EGFLAM: variants seen among roughly 807,000 people sequenced by gnomAD.
The protein encoded by EGFLAM is EGF like, fibronectin type III and laminin G domains, also known as pikachurin.
Under a neutral mutation model 113.1 loss-of-function variants are expected in EGFLAM, and 79 were observed. The ratio of observed to expected loss-of-function variants is 0.70; its 90% CI spans 0.58 to 0.84. The LOEUF (loss-of-function observed/expected upper bound fraction) is 0.84. Ranked by LOEUF, EGFLAM falls within the 40% of genes least tolerant of loss-of-function variation. The pLI, the probability that EGFLAM is intolerant of heterozygous loss-of-function variation, is 0.00. For missense variants in EGFLAM, 1,265 were observed against 1,291.6 expected (o/e 0.98, Z 0.32); for synonymous variants, 504 against 487.6 (o/e 1.03, Z -0.44).
In EGFLAM at chr5:38,430,768, T is replaced by TC. The variant is rs1447742832; in HGVS notation, c.2055-407dup. On this transcript the variant is annotated intron_variant, in intron 14 of 21. Transcript: ENST00000322350. ...AGGAAATTTAGTGGTGTATTTCCAG[T>TC]CCAAGCCTGAAGGCCTGAGAACCAG... Among the ~76,000 whole-genome samples, 6 of 152,244 alleles carry TC rather than the reference T, an allele frequency of 3.9e-5. No homozygotes were observed. In the East Asian group the frequency reaches 1.2e-3, roughly 29 times the overall value.
At chr5:38,352,690 G>A (rs879649848) in intron 5 of EGFLAM, among the ~76,000 whole-genome samples, 12 of 150,456 alleles carry the variant, frequency 8.0e-5, no homozygotes, top group Non-Finnish European at 1.3e-4. Context: ...AGAATTCCAA[G>A]CCTGACGTAA....
At chr5:38,425,926 A>G (rs1002988704) in intron 13 of EGFLAM, among the ~76,000 whole-genome samples, 1 of 152,166 alleles carries the variant, frequency 6.6e-6, no homozygotes, top group African/African-American at 2.4e-5. Context: ...AACGTGGTGA[A>G]ACTCCGTTTC....
chr5:38,307,224 A>G (rs903688005), intron 1 of EGFLAM, among the ~76,000 whole-genome samples: 20 of 152,112 alleles, frequency 1.3e-4, no homozygotes, highest in Non-Finnish European at 1.2e-4. Context: ...TCCTATTTTT[A>G]TTTGTCTATC....
intron 1 of EGFLAM, among the ~76,000 whole-genome samples, chr5:38,314,663 A>G (rs1738545304): frequency 6.6e-6 from 1 of 152,218 alleles, no homozygotes; most frequent in African/African-American, 2.4e-5. Context: ...TCTGTATTCC[A>G]TATGAAGCCT....
rs370232521 is a variant in EGFLAM, at chr5:38,308,745, A to G, written c.98-28775A>G. 1.5e-3 allele frequency among the ~76,000 whole-genome samples: 229 copies of G among 152,380 alleles called. 5 individuals carry two copies. In the South Asian group the frequency reaches 0.045, roughly 30 times the overall value. On this transcript the variant is annotated intron_variant, in intron 1 of 21. Coordinates refer to ENST00000322350, the MANE Select transcript of EGFLAM (RefSeq NM_152403.4). Reference sequence around the variant, plus strand: ...AGAGAGCTCTTAAATGCTCCTTTCTATCAGGCCCATCTCACCAAGGTAGTC... The same window carrying G: ...AGAGAGCTCTTAAATGCTCCTTTCTGTCAGGCCCATCTCACCAAGGTAGTC...
At position 38,350,109 on chromosome 5, in the gene EGFLAM, T is replaced by A. The variant is rs78796663; in HGVS notation, c.292-392T>A. 3.2e-3 allele frequency among the ~76,000 whole-genome samples: 490 copies of A among 152,326 alleles called. 17 individuals carry two copies. In the East Asian group the frequency reaches 0.071, roughly 22 times the overall value. On this transcript the variant is annotated intron_variant, in intron 3 of 21. Transcript: ENST00000322350. The stretch of plus-strand genomic sequence containing the variant: ...ACAAATCAAGACCTCAGTGTGCAGC[T>A]GCAGCTATTCTCTGAGCATCTGAAA...
intron 10 of EGFLAM, among the ~76,000 whole-genome samples, chr5:38,409,586 C>T (rs1350569232): frequency 6.6e-6 from 1 of 152,206 alleles, no homozygotes; most frequent in Non-Finnish European, 1.5e-5. Flanking sequence ...CCTGGCACTC[C>T]TGTCAATCCT....
In EGFLAM at chr5:38,258,572, G is replaced by C. The variant is rs1246058059; in HGVS notation, c.-183G>C. 1 of 614,840 alleles carries C rather than the reference G, an allele frequency of 1.6e-6. No individual in the cohort carries two copies. The highest frequency in any genetic ancestry group is 2.8e-6 in the Non-Finnish European group (1 of 354,928). 38.1% of individuals were successfully genotyped at this position (614,840 alleles called of 1,614,324 possible). ...GCAGCCGGCTTCACTCGCGCACGCC[G>C]ACCTCCCGGCTGCAGTCCTACCTCT... On this transcript the variant is annotated 5_prime_UTR_variant, in exon 1 of 22. Coordinates refer to ENST00000322350, the MANE Select transcript of EGFLAM (RefSeq NM_152403.4).
intron 1 of EGFLAM, among the ~76,000 whole-genome samples, chr5:38,320,851 T>C (rs923496719): frequency 9.9e-5 from 15 of 152,044 alleles, no homozygotes; most frequent in African/African-American, 3.4e-4. Context: ...TAATATGAAT[T>C]CTTACCATCT....
At chr5:38,326,198 C>T (rs1032667789) in intron 1 of EGFLAM, among the ~76,000 whole-genome samples, 8 of 152,128 alleles carry the variant, frequency 5.3e-5, no homozygotes, top group Admixed American at 2.0e-4. Context: ...AGTGGTTGTG[C>T]CCCTCTGGCT....
In EGFLAM at chr5:38,352,063, A is replaced by G. The variant is rs1294991365; in HGVS notation, c.410-133A>G. 5 of 1,268,374 alleles carry G rather than the reference A, an allele frequency of 3.9e-6. No homozygotes were observed. The East Asian group carries it at 7.1e-5, about 18-fold the overall frequency. The allele number at this position is 1,268,374 out of a possible 1,614,324, so 78.6% of individuals were successfully genotyped here. On this transcript the variant is annotated intron_variant, in intron 4 of 21. Coordinates refer to ENST00000322350, the MANE Select transcript of EGFLAM (RefSeq NM_152403.4). ...TGTTCTGAACAGAGATATTTTGGGTATAGGAAGCACTCGAGCTGTTTATGT... is the reference window on the plus strand; with the variant it reads ...TGTTCTGAACAGAGATATTTTGGGTGTAGGAAGCACTCGAGCTGTTTATGT...
chr5:38,276,414 A>G (rs1236221513), intron 1 of EGFLAM, among the ~76,000 whole-genome samples: 1 of 152,220 alleles, frequency 6.6e-6, no homozygotes, highest in Non-Finnish European at 1.5e-5. Context: ...AGCCTATATG[A>G]TAAAGCAAAA....
intron 9 of EGFLAM, among the ~76,000 whole-genome samples, chr5:38,408,353 C>T (rs1419189087): frequency 2.0e-5 from 3 of 152,180 alleles, no homozygotes; most frequent in African/African-American, 7.2e-5. Context: ...CGTGAGGGCC[C>T]AGTGGAGGTT....
intron 6 of EGFLAM, among the ~76,000 whole-genome samples, chr5:38,388,862 C>A (rs1740735434): frequency 6.7e-6 from 1 of 150,102 alleles, no homozygotes. Context: ...CTGCCGTGAG[C>A]CCTGGTTGTG....
chr5:38,354,693 G>A (rs577476786), intron 5 of EGFLAM, among the ~76,000 whole-genome samples: 16 of 152,252 alleles, frequency 1.1e-4, no homozygotes, highest in Middle Eastern at 3.4e-3. Flanking sequence ...TTACACCACT[G>A]CACTCTAGCC....
chr5:38,259,941 G>A (rs2111671604), intron 1 of EGFLAM, among the ~76,000 whole-genome samples: 1 of 152,278 alleles, frequency 6.6e-6, no homozygotes, highest in Admixed American at 6.5e-5. Context: ...CTCTCTATCT[G>A]GAAATATGAC....
intron 5 of EGFLAM, among the ~76,000 whole-genome samples, chr5:38,353,050 A>G (rs1739673336): frequency 1.3e-5 from 2 of 152,158 alleles, no homozygotes. Flanking sequence ...AGGACAACCC[A>G]TTGTTTCTTT....
At chr5:38,341,948 GT>G (rs1354908131) in intron 3 of EGFLAM, among the ~76,000 whole-genome samples, 1 of 150,612 alleles carries the variant, frequency 6.6e-6, no homozygotes, top group African/African-American at 2.4e-5. Context: ...TGTTGCCTCT[GT>G]TTTTTCCTCT....
At chr5:38,355,566 A>G (rs1355415992) in intron 5 of EGFLAM, among the ~76,000 whole-genome samples, 2 of 152,176 alleles carry the variant, frequency 1.3e-5, no homozygotes, top group African/African-American at 4.8e-5. Context: ...CTTATAGTGT[A>G]TGGTTAGGAG....
Sources: allele counts gnomAD v4.1 joint callset (sites outside exome capture counted in the v4.1 genomes callset), GRCh38; gene constraint gnomAD v4.1.1; transcripts MANE v1.5; gene names NCBI Gene and HGNC (gene_info 2026-07-23, HGNC 2026-07-21).